TENM2: variants seen among roughly 807,000 people sequenced by gnomAD.
TENM2 encodes teneurin transmembrane protein 2.
In TENM2, 52 loss-of-function variants were observed where a neutral mutation model predicts 245.2. That is an observed-to-expected ratio of 0.21 (90% CI 0.17 to 0.27). The LOEUF (loss-of-function observed/expected upper bound fraction) is 0.27, where lower values mean the gene tolerates loss of function less well. Among genes scored for constraint, TENM2 ranks in the 10% least tolerant of loss-of-function variants. The pLI is 1.00. For synonymous variants in TENM2, 1,363 were observed against 1,438.9 expected, an observed-to-expected ratio of 0.95 and a Z score of 1.19; for missense variants, 3,046 against 3,666.8, an observed-to-expected ratio of 0.83 and a Z score of 4.37.
In TENM2 at chr5:167,878,576, TGTGTG is replaced by T. The variant is rs1227591138; in HGVS notation, c.712+2382_712+2386del. Among the ~76,000 whole-genome samples the T allele has an allele frequency of 2.0e-3, 16 of 8,076 alleles. No individual in the cohort carries two copies. The Non-Finnish European group carries it at 0.25, about 126-fold the overall frequency. The allele number at this position is 8,076 out of a possible 152,430, so 5.3% of individuals were successfully genotyped here. On this transcript the variant is annotated intron_variant, in intron 3 of 28. Transcript: ENST00000518659. ...TCGAGTATGCGTGTGCTCACGTCTG[TGTGTG>T]TGTGTGTGTGTGTGTGTGTGTGTGT...
At chr5:168,232,808 G>A (rs907186558) in intron 25 of TENM2, among the ~76,000 whole-genome samples, 1 of 152,206 alleles carries the variant, frequency 6.6e-6, no homozygotes, top group African/African-American at 2.4e-5. Context: ...CTTCCTTACA[G>A]CCTGGGGAAA....
intron 2 of TENM2, among the ~76,000 whole-genome samples, chr5:167,752,201 T>A (rs908360579): frequency 6.6e-6 from 1 of 150,842 alleles, no homozygotes. Context: ...TTCAAGCAAT[T>A]CTCCTGCCTC....
chr5:168,115,589 G>A (rs1795024515), intron 9 of TENM2, among the ~76,000 whole-genome samples: 1 of 152,050 alleles, frequency 6.6e-6, no homozygotes, highest in Non-Finnish European at 1.5e-5. Flanking sequence ...ATCCGTGACA[G>A]CCCATCCAAT....
intron 2 of TENM2, among the ~76,000 whole-genome samples, chr5:167,643,191 A>G (rs575224355): frequency 5.9e-5 from 9 of 152,372 alleles, no homozygotes; most frequent in Non-Finnish European, 8.8e-5. Context: ...CTGAAATGCC[A>G]TAACCACAAA....
chr5:167,160,250 G>A, the TENM2 span, among the ~76,000 whole-genome samples: 1 of 152,186 alleles, frequency 6.6e-6, no homozygotes, highest in South Asian at 2.1e-4. Flanking sequence ...ATCAGATAAC[G>A]CCAAGCCAGC....
At chr5:167,914,866 G>A (rs952592791) in intron 3 of TENM2, among the ~76,000 whole-genome samples, 9 of 152,138 alleles carry the variant, frequency 5.9e-5, no homozygotes, top group Non-Finnish European at 7.4e-5. Context: ...TTACGTGGCT[G>A]TCTTCTCATA....
chr5:167,755,629 G>A (rs1213430878), intron 2 of TENM2, among the ~76,000 whole-genome samples: 3 of 152,100 alleles, frequency 2.0e-5, no homozygotes, highest in Non-Finnish European at 4.4e-5. Flanking sequence ...GTAGCTCTCT[G>A]TGTACTAATG....
chr5:167,384,493 G>A (rs10061973), intron 2 of TENM2, among the ~76,000 whole-genome samples: 1 of 151,762 alleles, frequency 6.6e-6, no homozygotes, highest in East Asian at 2.0e-4. Context: ...TCAGGATAAT[G>A]GGAATATAGT....
intron 2 of TENM2, among the ~76,000 whole-genome samples, chr5:167,431,949 G>GCA (rs1764259598): frequency 1.9e-5 from 1 of 53,228 alleles, no homozygotes; most frequent in African/African-American, 5.3e-5. Flanking sequence ...ACATATATAT[G>GCA]TATATATATA....
intron 25 of TENM2, among the ~76,000 whole-genome samples, chr5:168,242,472 A>C (rs1766185017): frequency 6.6e-6 from 1 of 152,230 alleles, no homozygotes; most frequent in Non-Finnish European, 1.5e-5. Context: ...TAAAGTCTGA[A>C]GGCCTAAGTT....
chr5:168,195,266 C>T (rs375197936), exon 15 of TENM2: 18 of 1,600,150 alleles, frequency 1.1e-5, no homozygotes, highest in South Asian at 4.5e-5. Context: ...ACCCAAAATA[C>T]GGCTACACCA....
intron 2 of TENM2, among the ~76,000 whole-genome samples, chr5:167,770,768 C>G (rs1051873752): frequency 6.6e-6 from 1 of 152,074 alleles, no homozygotes; most frequent in Non-Finnish European, 1.5e-5. Context: ...GAAGAGTAAA[C>G]GGGATACAAC....
the TENM2 span, among the ~76,000 whole-genome samples, chr5:166,990,096 T>G: frequency 3.9e-5 from 6 of 152,170 alleles, no homozygotes; most frequent in Non-Finnish European, 5.9e-5. Context: ...TCATTTCTGC[T>G]TATAAATTAG....
At chr5:167,254,457 T>C in the TENM2 span, among the ~76,000 whole-genome samples, 1 of 152,150 alleles carries the variant, frequency 6.6e-6, no homozygotes, top group Non-Finnish European at 1.5e-5. Flanking sequence ...CACCCAGCTA[T>C]CCTACTTCTA....
chr5:167,554,598 CAT>C, intron 2 of TENM2, among the ~76,000 whole-genome samples: 1 of 152,196 alleles, frequency 6.6e-6, no homozygotes, highest in East Asian at 1.9e-4. Context: ...GGTTAATTCT[CAT>C]AACAACCTCA....
At chr5:167,427,868 AG>A (rs1433394703) in intron 2 of TENM2, among the ~76,000 whole-genome samples, 1 of 125,108 alleles carries the variant, frequency 8.0e-6, no homozygotes, top group Non-Finnish European at 1.8e-5. Context: ...ACGGAAAGGA[AG>A]GGAAGGAAGG....
chr5:168,120,167 A>G (rs958306186), intron 10 of TENM2, among the ~76,000 whole-genome samples: 12 of 152,166 alleles, frequency 7.9e-5, no homozygotes, highest in Admixed American at 5.9e-4. Context: ...AGATTTTTCA[A>G]TATATCAGCA....
chr5:167,459,349 A>G (rs1766137580), intron 2 of TENM2, among the ~76,000 whole-genome samples: 1 of 152,212 alleles, frequency 6.6e-6, no homozygotes, highest in African/African-American at 2.4e-5. Flanking sequence ...GCTGAAGAAC[A>G]TCCCACTGTA....
chr5:168,035,109 G>C (rs769449268), intron 5 of TENM2, among the ~76,000 whole-genome samples: 2 of 152,170 alleles, frequency 1.3e-5, no homozygotes, highest in African/African-American at 4.8e-5. Flanking sequence ...TCTCATTAAA[G>C]ATTTTTATGT....
Sources: allele counts gnomAD v4.1 joint callset (sites outside exome capture counted in the v4.1 genomes callset), GRCh38; gene constraint gnomAD v4.1.1; transcripts MANE v1.5; gene names NCBI Gene and HGNC (gene_info 2026-07-23, HGNC 2026-07-21).